The following ACSM3 variants were observed in gnomAD, a reference collection of about 807,000 sequenced individuals.
ACSM3 encodes acyl-coenzyme A synthetase ACSM3, mitochondrial.
In ACSM3, 61 loss-of-function variants were observed where a neutral mutation model predicts 74.1. That is an observed-to-expected ratio of 0.82 (90% CI 0.67 to 1.02). The LOEUF (loss-of-function observed/expected upper bound fraction) is 1.02. Ranked by LOEUF, ACSM3 falls within the 50% of genes least tolerant of loss-of-function variation. The pLI is 0.00. For synonymous variants in ACSM3, 213 were observed against 241.5 expected, an observed-to-expected ratio of 0.88 and a Z score of 1.09; for missense variants, 660 against 697.0, an observed-to-expected ratio of 0.95 and a Z score of 0.60.
In ACSM3 at chr16:20,719,057, G is replaced by T. The variant is rs533373829; in HGVS notation, c.-189-30853G>T. ...TCAGACAACCTAGGATTCTGAAAAG[G>T]CCTTTAAGAAGAGTAGAGGTAGAAT... On this transcript the variant is annotated intron_variant, in intron 1 of 3. Coordinates refer to the ACSM3 transcript ENST00000561584. Among the ~76,000 whole-genome samples, 8 of 152,260 alleles carry T rather than the reference G, an allele frequency of 5.3e-5. No homozygotes were observed. In the South Asian group the frequency reaches 1.7e-3, roughly 32 times the overall value.
intron 1 of ACSM3, among the ~76,000 whole-genome samples, chr16:20,742,797 A>G (rs919089887): frequency 3.3e-5 from 3 of 89,566 alleles, no homozygotes; most frequent in Admixed American, 1.3e-4. Flanking sequence ...GTGTAAATAT[A>G]TATATATATA....
intron 1 of ACSM3, among the ~76,000 whole-genome samples, chr16:20,715,900 C>T (rs1003473026): frequency 3.3e-5 from 5 of 152,172 alleles, no homozygotes; most frequent in African/African-American, 1.2e-4. Context: ...GTTTCTGCTC[C>T]ACATCAGCCT....
chr16:20,794,154 T>C (rs1226312744), intron 12 of ACSM3, among the ~76,000 whole-genome samples: 1 of 152,198 alleles, frequency 6.6e-6, no homozygotes, highest in Admixed American at 6.5e-5. Context: ...CCAGGCCTAT[T>C]CTACCTGGGT....
rs57406215 is a variant in ACSM3, at chr16:20,771,371, CTTTTTTTTTTTTTT to C, written c.219+1131_219+1144del. ...CCACCCACCACGCCAGGCCGAGCTC[CTTTTTTTTTTTTTT>C]TTTTTTTTTTTTAAGAGACAGGGTC... On this transcript the variant is annotated intron_variant, in intron 2 of 13. Coordinates refer to ENST00000289416, the MANE Select transcript of ACSM3 (RefSeq NM_005622.4). Among the ~76,000 whole-genome samples, 3 of 85,266 alleles carry C rather than the reference CTTTTTTTTTTTTTT, an allele frequency of 3.5e-5. No individual in the cohort carries two copies. The South Asian group carries it at 1.4e-3, about 39-fold the overall frequency. 55.9% of individuals were successfully genotyped at this position (85,266 alleles called of 152,430 possible). A position where few individuals can be genotyped will look rare whatever the true frequency, so the allele number is the denominator to read the frequency against.
intron 1 of ACSM3, chr16:20,736,690 ATACCATAAAGGCTG>A (rs2079872586): frequency 1.9e-5 from 12 of 618,444 alleles, no homozygotes; most frequent in South Asian, 1.3e-4. Flanking sequence ...CCTCTACGTA[ATACCATAAAGGCTG>A]AAAGATCCCT....
intron 1 of ACSM3, among the ~76,000 whole-genome samples, chr16:20,700,431 G>C (rs753162754): frequency 2.0e-5 from 3 of 151,994 alleles, no homozygotes; most frequent in Non-Finnish European, 2.9e-5. Context: ...AGGTGGCTAA[G>C]GATGTTCTCC....
chr16:20,716,862 G>A (rs2079763644), intron 1 of ACSM3, among the ~76,000 whole-genome samples: 1 of 152,116 alleles, frequency 6.6e-6, no homozygotes, highest in Non-Finnish European at 1.5e-5. Flanking sequence ...TATTGGGTCT[G>A]ATCACCCCAA....
intron 1 of ACSM3, chr16:20,731,703 G>GA (rs1240293110): frequency 7.4e-6 from 3 of 404,822 alleles, no homozygotes; most frequent in Non-Finnish European, 1.3e-5. Context: ...AGGATCATGT[G>GA]AAAAAAATCA....
At chr16:20,780,434 C>T in intron 4 of ACSM3, 3 of 602,964 alleles carry the variant, frequency 5.0e-6, no homozygotes. Flanking sequence ...ATAAAAATCT[C>T]AAGTTTTAAA....
chr16:20,789,427 G>A (rs2080544133), intron 9 of ACSM3: 16 of 1,307,212 alleles, frequency 1.2e-5, no homozygotes, highest in Non-Finnish European at 1.7e-5. Context: ...ACACTTCAGG[G>A]AATGATGAGG....
At chr16:20,776,268 T>C (rs2080254868) in intron 3 of ACSM3, among the ~76,000 whole-genome samples, 1 of 152,168 alleles carries the variant, frequency 6.6e-6, no homozygotes, top group Non-Finnish European at 1.5e-5. Context: ...CAAAAATTGT[T>C]GTGTTGCCCT....
At chr16:20,748,313 C>G (rs1189815349) in intron 1 of ACSM3, among the ~76,000 whole-genome samples, 1 of 152,018 alleles carries the variant, frequency 6.6e-6, no homozygotes, top group Non-Finnish European at 1.5e-5. Context: ...AAGCCACATC[C>G]TCAGTAAGAG....
At chr16:20,743,882 G>T (rs1303186226) in intron 1 of ACSM3, 2 of 152,100 alleles carry the variant, frequency 1.3e-5, no homozygotes, top group Non-Finnish European at 2.9e-5. Flanking sequence ...TTAGCATACA[G>T]ATAACAAGTT....
At chr16:20,696,285 C>G (rs1567317947) in intron 1 of ACSM3, among the ~76,000 whole-genome samples, 1 of 152,246 alleles carries the variant, frequency 6.6e-6, no homozygotes, top group Non-Finnish European at 1.5e-5. Context: ...GTCTCTATCT[C>G]TATCTCCGTC....
chr16:20,790,178 G>A lies in ACSM3; in HGVS notation c.1225-409G>A, dbSNP rs1567362142. On this transcript the variant is annotated intron_variant, in intron 9 of 13. Transcript: ENST00000289416. This position sits in a 1 kb window ranked among gnomAD's most constrained non-coding sequence, Gnocchi z 4.0. ...TATTTAAAATATTTTTGGGCCAGGTGCAGTGGCTCATGCCTATAATCCCAG... is the reference window on the plus strand; with the variant it reads ...TATTTAAAATATTTTTGGGCCAGGTACAGTGGCTCATGCCTATAATCCCAG... Among the ~76,000 whole-genome samples the A allele has an allele frequency of 2.6e-5, 4 of 152,110 alleles. No homozygotes were observed. Among genetic ancestry groups the A allele is most frequent in the Non-Finnish European group, 5.9e-5 (4 of 68,016 alleles).
intron 1 of ACSM3, among the ~76,000 whole-genome samples, chr16:20,722,698 A>C (rs528385315): frequency 6.6e-6 from 1 of 152,222 alleles, no homozygotes; most frequent in African/African-American, 2.4e-5. Flanking sequence ...AGATTCCACC[A>C]TGAAAGGTAA....
intron 1 of ACSM3, among the ~76,000 whole-genome samples, chr16:20,747,163 T>G (rs1445106092): frequency 6.6e-6 from 1 of 152,136 alleles, no homozygotes; most frequent in Non-Finnish European, 1.5e-5. Context: ...TAACACTATC[T>G]GCAGAGCCAG....
chr16:20,735,461 A>G (rs1008228788), intron 1 of ACSM3: 11 of 150,942 alleles, frequency 7.3e-5, no homozygotes, highest in Admixed American at 1.3e-4. Context: ...ACTTCACTGT[A>G]TCTTCAAGTT....
chr16:20,748,052 G>A (rs1435680006), intron 1 of ACSM3, among the ~76,000 whole-genome samples: 1 of 152,082 alleles, frequency 6.6e-6, no homozygotes, highest in East Asian at 1.9e-4. Flanking sequence ...TGGGAGGATC[G>A]TTTGAGCCCA....
Sources: gnomAD v4.1 joint callset for allele counts (sites outside exome capture counted in the v4.1 genomes callset) on GRCh38, gnomAD v4.1.1 for gene constraint, Gnocchi (gnomAD v3.1) non-coding constraint, MANE v1.5 for transcripts, NCBI Gene and HGNC (gene_info 2026-07-23, HGNC 2026-07-21) for gene names.